EPB41L4B: variants seen among roughly 807,000 people sequenced by gnomAD.
EPB41L4B encodes band 4.1-like protein 4B.
EPB41L4B carries 30 observed loss-of-function variants against 112.5 expected under a neutral mutation model. That is an observed-to-expected ratio of 0.27 (90% CI 0.20 to 0.36). EPB41L4B has a LOEUF of 0.36. EPB41L4B is among the 10% of genes least tolerant of loss of function. The probability of loss-of-function intolerance (pLI) is 1.00; values close to 1 mark genes in which losing one functional copy is unlikely to be tolerated. For missense variants in EPB41L4B, 1,024 were observed against 1,133.3 expected (o/e 0.90, Z 1.38); for synonymous variants, 408 against 439.7 (o/e 0.93, Z 0.90).
chr9:109,240,273 G>A (rs931513640), intron 15 of EPB41L4B: 9 of 985,270 alleles, frequency 9.1e-6, no homozygotes, highest in African/African-American at 5.2e-5. Context: ...GCATCAGAAC[G>A]TCTGCTAAAA....
At chr9:109,210,877 T>C (rs1439951144) in intron 17 of EPB41L4B, among the ~76,000 whole-genome samples, 1 of 152,232 alleles carries the variant, frequency 6.6e-6, no homozygotes, top group Non-Finnish European at 1.5e-5. Flanking sequence ...TGTTGTTCAA[T>C]ATGGGATTAC....
At chr9:109,186,955 C>A (rs1487333553) in intron 22 of EPB41L4B, among the ~76,000 whole-genome samples, 1 of 152,194 alleles carries the variant, frequency 6.6e-6, no homozygotes, top group Non-Finnish European at 1.5e-5. Context: ...AAAAGTGCCA[C>A]ATCCTTTGGG....
chr9:109,200,461 T>G, intron 19 of EPB41L4B, 127 bp from the exon 20 acceptor site: 1 of 605,478 alleles, frequency 1.7e-6, no homozygotes, highest in South Asian at 2.9e-5. Context: ...ATCCATTTTT[T>G]TTGCCTTTCT....
At position 109,172,423 on chromosome 9, in the gene EPB41L4B, T is replaced by C. The variant is rs1831663635; in HGVS notation, c.*2131A>G. On this transcript the variant is annotated 3_prime_UTR_variant, in exon 26 of 26. Transcript: ENST00000374566. ...AAGATAAAGAACAGCTAAAGCTGTT[T>C]TAAAAGTATAGCCGGGGGACATAGG... The C allele has an allele frequency of 6.6e-6, 1 of 152,112 alleles. No homozygotes were observed. The highest frequency in any genetic ancestry group is 1.5e-5 in the Non-Finnish European group (1 of 68,020). 9.4% of individuals were successfully genotyped at this position (152,112 alleles called of 1,614,324 possible).
At chr9:109,290,149 T>G (rs1208181528) in intron 1 of EPB41L4B, among the ~76,000 whole-genome samples, 1 of 152,180 alleles carries the variant, frequency 6.6e-6, no homozygotes, top group Non-Finnish European at 1.5e-5. Context: ...GGAAACTAGT[T>G]CTACCACTTC....
chr9:109,222,105 C>A (rs1833594468), intron 15 of EPB41L4B, among the ~76,000 whole-genome samples: 1 of 152,036 alleles, frequency 6.6e-6, no homozygotes, highest in African/African-American at 2.4e-5. Flanking sequence ...AAGAGTTAAA[C>A]AGTAAAAAGA....
chr9:109,185,429 G>A, intron 23 of EPB41L4B, 60 bp downstream of exon 23: 2 of 1,474,588 alleles, frequency 1.4e-6, no homozygotes, highest in Non-Finnish European at 1.9e-6. Context: ...CACCTCGCCT[G>A]GTGGCTCCTG....
intron 1 of EPB41L4B, among the ~76,000 whole-genome samples, chr9:109,286,660 GC>G (rs1231399834): frequency 1.3e-5 from 2 of 152,134 alleles, no homozygotes; most frequent in African/African-American, 4.8e-5. Flanking sequence ...TCTGGGTGTT[GC>G]AGACACAACT....
chr9:109,285,948 T>C (rs1179038071), intron 1 of EPB41L4B, among the ~76,000 whole-genome samples: 2 of 152,076 alleles, frequency 1.3e-5, no homozygotes, highest in Non-Finnish European at 2.9e-5. Flanking sequence ...AGTATATACA[T>C]ACTCATCACA....
rs748915554 is a variant in EPB41L4B, at chr9:109,199,687, G to T, written c.2045+549C>A. ...GTCTCAAAAAGAAAAAAAGTGATGG[G>T]ATGTCAGTTCTGTGCGTAGGTTACA... On this transcript the variant is annotated intron_variant, in intron 20 of 25. Coordinates refer to ENST00000374566, the MANE Select transcript of EPB41L4B (RefSeq NM_019114.5). 3.4e-4 allele frequency among the ~76,000 whole-genome samples: 51 copies of T among 152,108 alleles called. 1 individual carries two copies. Among genetic ancestry groups the T allele is most frequent in the Middle Eastern group, 3.2e-3 (1 of 316 alleles).
chr9:109,267,644 C>T, intron 3 of EPB41L4B, 93 bp from the exon 4 acceptor site: 1 of 817,158 alleles, frequency 1.2e-6, no homozygotes, highest in Non-Finnish European at 2.1e-6. Context: ...AAATCTATAA[C>T]ATTTAGCACA....
intron 1 of EPB41L4B, among the ~76,000 whole-genome samples, chr9:109,309,917 G>C (rs1837352831): frequency 6.6e-6 from 1 of 152,198 alleles, no homozygotes; most frequent in Admixed American, 6.5e-5. Flanking sequence ...TGTTGGAGAA[G>C]AATGGATTAG....
In EPB41L4B at chr9:109,241,785, C is replaced by T. The variant is rs199655469; in HGVS notation, c.1409+1833G>A. On this transcript the variant is annotated intron_variant, in intron 15 of 25. Transcript: ENST00000374566. ...CTCCACTGGCCGATGCTTTCCAATG[C>T]GACCTGTCATCCTGAAAGGATGGCC... 39 of 1,614,118 alleles carry T rather than the reference C, an allele frequency of 2.4e-5. No individual in the cohort carries two copies. The African/African-American group carries it at 2.9e-4, about 12-fold the overall frequency.
chr9:109,261,022 C>T (rs1305809970), intron 6 of EPB41L4B, among the ~76,000 whole-genome samples: 1 of 152,138 alleles, frequency 6.6e-6, no homozygotes, highest in Non-Finnish European at 1.5e-5. Context: ...TTCGTGACAC[C>T]CTGACATCTA....
rs766937716 is a variant in EPB41L4B, at chr9:109,320,132, G to A, written c.306+9C>T. ...GGTGCCAGTGCCCCAGACTGGCCCC[G>A]TCACTCACCGGCAGGTCCACGCTCA... is the stretch of plus-strand genomic sequence containing the variant. On this transcript the variant is annotated intron_variant, in intron 1 of 25. Coordinates refer to ENST00000374566, the MANE Select transcript of EPB41L4B (RefSeq NM_019114.5). 1.4e-6 allele frequency: 2 copies of A among 1,452,002 alleles called. No homozygotes were observed. The highest frequency in any genetic ancestry group is 1.5e-5 in the African/African-American group (1 of 67,570). 89.9% of individuals were successfully genotyped at this position (1,452,002 alleles called of 1,614,324 possible). A position where few individuals can be genotyped will look rare whatever the true frequency, so the allele number is the denominator to read the frequency against.
intron 1 of EPB41L4B, among the ~76,000 whole-genome samples, chr9:109,283,068 A>G (rs1836131630): frequency 6.6e-6 from 1 of 152,220 alleles, no homozygotes; most frequent in Non-Finnish European, 1.5e-5. Context: ...GAGATTTAAA[A>G]TACACTTTTT....
intron 15 of EPB41L4B, among the ~76,000 whole-genome samples, chr9:109,234,850 C>T (rs1041772433): frequency 1.3e-5 from 2 of 152,150 alleles, no homozygotes; most frequent in African/African-American, 4.8e-5. Flanking sequence ...AGAGACAGAC[C>T]GTGTCTCAAA....
chr9:109,319,551 T>C (rs933592634), intron 1 of EPB41L4B, among the ~76,000 whole-genome samples: 1 of 152,040 alleles, frequency 6.6e-6, no homozygotes, highest in Non-Finnish European at 1.5e-5. Context: ...GCTCAGGGAA[T>C]GGGAATGGGG....
rs773211334 is a variant in EPB41L4B, at chr9:109,185,493, C to T, written c.2414G>A (p.Arg805Lys). 6.2e-7 allele frequency: 1 copy of T among 1,613,854 alleles called. No homozygotes were observed. Among genetic ancestry groups the T allele is most frequent in the South Asian group, 1.1e-5 (1 of 91,064 alleles). Residue 805 changes from arginine (R) to lysine (K), a missense_variant, in exon 23 of 26, where the codon AGG becomes AAG. Transcript: ENST00000374566. ...TCTCCCTGCCAGGGTACCTACCAGC[C>T]TCGTTTTGATTGGAGGGTACATGCA... ...GVCMYPPIKT[R>K]LIKTFPVDTM...
Sources: allele counts gnomAD v4.1 joint callset (sites outside exome capture counted in the v4.1 genomes callset), GRCh38; gene constraint gnomAD v4.1.1; transcripts MANE v1.5; gene names NCBI Gene and HGNC (gene_info 2026-07-23, HGNC 2026-07-21).